The following STAR variants were observed in gnomAD, a reference collection of about 807,000 sequenced individuals.
STAR encodes steroidogenic acute regulatory protein, mitochondrial.
In STAR, 32 loss-of-function variants were observed where a neutral mutation model predicts 32.3. The observed-to-expected ratio is 0.99, with a 90% CI of 0.75 to 1.33. The LOEUF (loss-of-function observed/expected upper bound fraction) is 1.33, where lower values mean the gene tolerates loss of function less well. Ranked by LOEUF, STAR falls within the 40% of genes most tolerant of loss-of-function variation. The probability of loss-of-function intolerance (pLI) is 0.00; values close to 1 mark genes in which losing one functional copy is unlikely to be tolerated. For synonymous variants in STAR, 134 were observed against 140.5 expected, an observed-to-expected ratio of 0.95 and a Z score of 0.33; for missense variants, 375 against 379.0, an observed-to-expected ratio of 0.99 and a Z score of 0.09.
chr8:38,145,932 AGGG>A, intron 5 of STAR, 28 bp downstream of exon 5: 1 of 1,612,350 alleles, frequency 6.2e-7, no homozygotes, highest in South Asian at 1.1e-5. Flanking sequence ...GTGTTAGAAG[AGGG>A]GGGTTTGGAG....
chr8:38,144,950 G>T, intron 6 of STAR: 1 of 1,207,142 alleles, frequency 8.3e-7, no homozygotes, highest in Non-Finnish European at 1.1e-6. Flanking sequence ...CGGAGGTTAC[G>T]GTGAGCTGAG....
intron 5 of STAR, 76 bp downstream of exon 5, chr8:38,145,887 G>A (rs1374820680): frequency 3.2e-6 from 5 of 1,578,194 alleles, no homozygotes; most frequent in Admixed American, 3.3e-5. Context: ...AGCTGGGGAT[G>A]CAGTCCACAT....
intron 4 of STAR, 33 bp downstream of exon 4, chr8:38,146,256 G>T: frequency 3.1e-6 from 5 of 1,613,832 alleles, no homozygotes; most frequent in Non-Finnish European, 4.2e-6. Flanking sequence ...GGCTCTCCTG[G>T]GCCCCTGCCA....
At chr8:38,145,623 C>A (rs1271055510) in intron 5 of STAR, 2 of 554,058 alleles carry the variant, frequency 3.6e-6, no homozygotes, top group East Asian at 6.4e-5. Flanking sequence ...ATTCAGGAGG[C>A]TGTGGTGTAC....
intron 1 of STAR, 180 bp from the exon 2 acceptor site, chr8:38,148,934 G>A: frequency 1.6e-6 from 1 of 612,064 alleles, no homozygotes; most frequent in Non-Finnish European, 2.9e-6. Flanking sequence ...TCCCATGGCA[G>A]TGCTCCAGGG....
rs145650782 is a variant in STAR at position 38,144,703 on chromosome 8, T to C, written c.745-317A>G. 2,407 of 1,131,868 alleles carry C rather than the reference T, an allele frequency of 2.1e-3. 7 individuals carry two copies. The highest frequency in any genetic ancestry group is 3.1e-3 in the Middle Eastern group (8 of 2,594). 70.1% of individuals were successfully genotyped at this position (1,131,868 alleles called of 1,614,324 possible). A position where few individuals can be genotyped will look rare whatever the true frequency, so the allele number is the denominator to read the frequency against. On this transcript the variant is annotated intron_variant, in intron 6 of 6. Coordinates refer to ENST00000276449, the MANE Select transcript of STAR (RefSeq NM_000349.3). ...TTCTTTCTAAAATGATAACTACATA[T>C]AAGAGTTGAACTTTGCTGTGAGACA...
In STAR at chr8:38,150,807, C is replaced by A; in HGVS notation, c.12G>T (p.Ala4=). 6.2e-7 allele frequency: 1 copy of A among 1,606,266 alleles called. No homozygotes were observed. Among genetic ancestry groups the A allele is most frequent in the Non-Finnish European group, 8.5e-7 (1 of 1,179,964 alleles). The change falls in exon 1 of 7, where the codon GCG becomes GCT. Residue 4 remains alanine, a synonymous_variant. Coordinates refer to ENST00000276449, the MANE Select transcript of STAR (RefSeq NM_000349.3). MLL[A]TFKLCAGSSY... is the part of the protein sequence containing the mutation. ...AGCTCCCAGCGCACAGCTTGAATGT[C>A]GCTAGCAGCATTGTTTCCTGGCAAA...
In STAR at chr8:38,150,398, CAAAAA is replaced by C. The variant is rs770919006; in HGVS notation, c.64+352_64+356del. ...TCTGTGACAGAGACCTTTATTCAAA[CAAAAA>C]AAAAAGAAAAGGCGGAAGAAAAAAA... On this transcript the variant is annotated intron_variant, in intron 1 of 6. Coordinates refer to ENST00000276449, the MANE Select transcript of STAR (RefSeq NM_000349.3). Among the ~76,000 whole-genome samples the C allele has an allele frequency of 2.3e-3, 127 of 54,438 alleles. 1 individual carries two copies. The highest frequency in any genetic ancestry group is 6.6e-3 in the Admixed American group (33 of 4,966). The allele number at this position is 54,438 out of a possible 152,430, so 35.7% of individuals were successfully genotyped here.
rs1585625518 is a variant in STAR at position 38,146,363 on chromosome 8, C to G, written c.391G>C (p.Glu131Gln). ...TCCACGAGCTCTTCATAGAGCCTCT[C>G]CATGGGCTGGTCCACCACGACCTCC... The part of the protein sequence containing the change: ...RLEVVVDQPM[E>Q]RLYEELVERM... The change falls in exon 4 of 7, where the codon GAG (glutamate) becomes CAG (glutamine). Residue 131 changes from glutamate (E) to glutamine (Q), a missense_variant. Transcript: ENST00000276449. 1 of 1,614,172 alleles carries G rather than the reference C, an allele frequency of 6.2e-7. No individual in the cohort carries two copies. The highest frequency in any genetic ancestry group is 8.5e-7 in the Non-Finnish European group (1 of 1,180,048).
chr8:38,146,779 T>A (rs558744931), intron 3 of STAR, among the ~76,000 whole-genome samples: 5,068 of 31,116 alleles, frequency 0.16, 306 homozygotes, highest in African/African-American at 0.3. Context: ...AAAAAAAAAA[T>A]TTTATATATA....
Position 38,148,699 on chromosome 8 carries a change from C to G in STAR, c.120G>C (p.Leu40=), listed in dbSNP as rs138786388. 1.9e-6 allele frequency: 3 copies of G among 1,613,988 alleles called. No individual in the cohort carries two copies. The highest frequency in any genetic ancestry group is 1.3e-5 in the African/African-American group (1 of 74,942). Residue 40 remains leucine (L), a synonymous_variant, in exon 2 of 7, where the codon CTG becomes CTC. Transcript: ENST00000276449. ...AISQELNRRA[L]GGPTPSTWIN... Reference sequence around the variant, plus strand: ...TCCACGTGCTAGGGGTGGGGCCCCCCAGGGCCCTCCGGTTCAGCTCCTGGC... The same window carrying G: ...TCCACGTGCTAGGGGTGGGGCCCCCGAGGGCCCTCCGGTTCAGCTCCTGGC...
chr8:38,144,479 G>A (rs759347867), intron 6 of STAR, 93 bp from the exon 7 acceptor site: 186 of 1,534,048 alleles, frequency 1.2e-4, no homozygotes, highest in Non-Finnish European at 5.9e-5. Flanking sequence ...CAGGGGCTTG[G>A]TCTTCGAGCT....
rs531902773 is a variant in STAR at position 38,146,336 on chromosome 8, G to A, written c.418C>T (p.Arg140Cys). 2.0e-5 allele frequency: 33 copies of A among 1,613,960 alleles called. No homozygotes were observed. Among genetic ancestry groups the A allele is most frequent in the Admixed American group, 8.3e-5 (5 of 59,992 alleles). ...TTCCACTCCCCCATTGCTTCCATGCGCTCCACGAGCTCTTCATAGAGCCTC... is the reference window on the plus strand; with the variant it reads ...TTCCACTCCCCCATTGCTTCCATGCACTCCACGAGCTCTTCATAGAGCCTC... ...MERLYEELVE[R>C]MEAMGEWNPN... The change falls in exon 4 of 7, where the codon CGC (arginine) becomes TGC (cysteine). Residue 140 changes from arginine (R) to cysteine (C), a missense_variant. By Grantham distance (180) the Arg-to-Cys change is radical. Transcript: ENST00000276449.
At chr8:38,145,000 CTG>C (rs1251289500) in intron 6 of STAR, 2 of 1,310,724 alleles carry the variant, frequency 1.5e-6, no homozygotes, top group Non-Finnish European at 1.9e-6. Context: ...CAGAATGAAA[CTG>C]AGTCTCGAAA....
chr8:38,144,949 C>T (rs1224893866), intron 6 of STAR: 8 of 1,194,612 alleles, frequency 6.7e-6, no homozygotes, highest in South Asian at 3.3e-5. Context: ...GCGGAGGTTA[C>T]GGTGAGCTGA....
rs138636111 is a variant in STAR at position 38,150,756 on chromosome 8, C to T, written c.63G>A (p.Lys21=). Residue 21 remains lysine (K), a splice_region_variant and synonymous_variant, in exon 1 of 7, where the codon AAG becomes AAA. Transcript: ENST00000276449. ...GSSYRHMRNM[K]GLRQQAVMAI... ...TCGCCTCCTTCCCGCAGCGCTCACC[C>T]TTCATGTTGCGCATGTGTCTGTAGG... The T allele has an allele frequency of 3.7e-6, 6 of 1,607,098 alleles. No individual in the cohort carries two copies. The highest frequency in any genetic ancestry group is 5.1e-6 in the Non-Finnish European group (6 of 1,179,960).
chr8:38,144,479 G>T, intron 6 of STAR, 93 bp from the exon 7 acceptor site: 2 of 1,534,166 alleles, frequency 1.3e-6, no homozygotes, highest in Non-Finnish European at 8.8e-7. Context: ...CAGGGGCTTG[G>T]TCTTCGAGCT....
intron 1 of STAR, among the ~76,000 whole-genome samples, chr8:38,150,044 G>A (rs1802640299): frequency 6.6e-6 from 1 of 151,986 alleles, no homozygotes; most frequent in Non-Finnish European, 1.5e-5. Context: ...AGCCGAGATC[G>A]TGCCACTGCG....
intron 2 of STAR, 154 bp from the exon 3 acceptor site, chr8:38,148,481 A>C: frequency 2.9e-6 from 4 of 1,383,378 alleles, no homozygotes; most frequent in Non-Finnish European, 4.0e-6. Context: ...CAGCCGCCCC[A>C]GGTGACCAGA....
Sources: allele counts gnomAD v4.1 joint callset (sites outside exome capture counted in the v4.1 genomes callset), GRCh38; gene constraint gnomAD v4.1.1; transcripts MANE v1.5; gene names NCBI Gene and HGNC (gene_info 2026-07-23, HGNC 2026-07-21).